SBF2: variants seen among roughly 807,000 people sequenced by gnomAD.
SBF2 encodes myotubularin-related protein 13.
In SBF2, 112 loss-of-function variants were observed where a neutral mutation model predicts 225.2. The observed-to-expected ratio is 0.50, with a 90% CI of 0.43 to 0.58. The LOEUF is 0.58. Ranked by LOEUF, SBF2 falls within the 20% of genes least tolerant of loss-of-function variation. The pLI is 0.00. For synonymous variants in SBF2, 763 were observed against 773.3 expected, an observed-to-expected ratio of 0.99 and a Z score of 0.22; for missense variants, 1,996 against 2,206.2, an observed-to-expected ratio of 0.90 and a Z score of 1.91.
chr11:10,079,478 G>A (rs1951271211), intron 2 of SBF2, among the ~76,000 whole-genome samples: 1 of 152,134 alleles, frequency 6.6e-6, no homozygotes, highest in South Asian at 2.1e-4. Flanking sequence ...CAACAGACTA[G>A]ACCAAATGGA....
chr11:10,055,033 C>A (rs1950202436), intron 2 of SBF2, among the ~76,000 whole-genome samples: 1 of 152,074 alleles, frequency 6.6e-6, no homozygotes, highest in Non-Finnish European at 1.5e-5. Flanking sequence ...CCTCAGTCTC[C>A]TGGAACTATA....
intron 2 of SBF2, among the ~76,000 whole-genome samples, chr11:10,057,886 T>C (rs1408140714): frequency 6.6e-6 from 1 of 152,006 alleles, no homozygotes; most frequent in Non-Finnish European, 1.5e-5. Context: ...CCCCAAAGCC[T>C]TAACACCAAA....
chr11:9,987,553 T>C (rs1000605207), intron 13 of SBF2, among the ~76,000 whole-genome samples: 4 of 152,100 alleles, frequency 2.6e-5, no homozygotes, highest in Non-Finnish European at 4.4e-5. Flanking sequence ...CTAGAACTGA[T>C]AAAAGAATTC....
chr11:10,114,609 A>G (rs1350106926), intron 2 of SBF2, among the ~76,000 whole-genome samples: 1 of 152,232 alleles, frequency 6.6e-6, no homozygotes, highest in Non-Finnish European at 1.5e-5. Flanking sequence ...AGTTTGCTGA[A>G]TGAAAACCGA....
intron 16 of SBF2, among the ~76,000 whole-genome samples, chr11:9,947,993 T>C (rs760744097): frequency 5.3e-5 from 8 of 152,186 alleles, no homozygotes; most frequent in Non-Finnish European, 7.3e-5. Context: ...CTCATGTTCA[T>C]AGCAGCATTA....
intron 2 of SBF2, among the ~76,000 whole-genome samples, chr11:10,078,660 A>T (rs978456294): frequency 6.6e-6 from 1 of 152,204 alleles, no homozygotes; most frequent in Non-Finnish European, 1.5e-5. Context: ...GGATAGCATT[A>T]GGAGAAATAC....
At chr11:10,043,519 A>C (rs1163103913) in intron 2 of SBF2, among the ~76,000 whole-genome samples, 1 of 152,226 alleles carries the variant, frequency 6.6e-6, no homozygotes, top group Non-Finnish European at 1.5e-5. Flanking sequence ...GAATTAAACT[A>C]GAAATCAATA....
intron 13 of SBF2, among the ~76,000 whole-genome samples, chr11:9,974,985 A>AAAAAAAAAAAAG (rs1565082847): frequency 1.3e-5 from 1 of 78,272 alleles, no homozygotes; most frequent in African/African-American, 3.8e-5. Context: ...AAAAAAAAAA[A>AAAAAAAAAAAAG]AAAGAAAAAA....
intron 1 of SBF2, among the ~76,000 whole-genome samples, chr11:10,217,635 C>A (rs558534127): frequency 6.6e-6 from 1 of 152,162 alleles, no homozygotes; most frequent in South Asian, 2.1e-4. Flanking sequence ...GATGAGATGC[C>A]TCTATCAGAG....
intron 27 of SBF2, among the ~76,000 whole-genome samples, chr11:9,830,505 T>C (rs112873603): frequency 0.016 from 2,408 of 152,226 alleles, 42 homozygotes; most frequent in African/African-American, 0.043. Context: ...TTAGGAAGGC[T>C]GAGGCAGGCA....
At chr11:10,270,486 A>T (rs1962383217) in intron 1 of SBF2, among the ~76,000 whole-genome samples, 1 of 152,154 alleles carries the variant, frequency 6.6e-6, no homozygotes, top group Non-Finnish European at 1.5e-5. Context: ...CCTCATGTTG[A>T]GTAGGCTGAG....
chr11:9,922,656 T>C (rs376212118), intron 16 of SBF2, among the ~76,000 whole-genome samples: 2 of 152,334 alleles, frequency 1.3e-5, no homozygotes, highest in South Asian at 4.1e-4. Context: ...CCATCTGTAG[T>C]GTACTGAAAA....
intron 1 of SBF2, among the ~76,000 whole-genome samples, chr11:10,279,808 C>T (rs568284391): frequency 2.6e-5 from 4 of 152,302 alleles, no homozygotes; most frequent in East Asian, 3.9e-4. Context: ...CACCACCACG[C>T]CTGGCTAATT....
rs1321174630 is a variant in SBF2 at position 10,230,019 on chromosome 11, T to G, written c.56-36032A>C. On this transcript the variant is annotated intron_variant, in intron 1 of 39. Transcript: ENST00000256190. ...CTCCTGTATTGGGTGCATATATATTTAGGATAGTTAGCTCTTCTTGTTGAA... is the reference window on the plus strand; with the variant it reads ...CTCCTGTATTGGGTGCATATATATTGAGGATAGTTAGCTCTTCTTGTTGAA... Among the ~76,000 whole-genome samples, 6 of 152,154 alleles carry G rather than the reference T, an allele frequency of 3.9e-5. No homozygotes were observed. In the South Asian group the frequency reaches 6.2e-4, roughly 16 times the overall value.
intron 12 of SBF2, 52 bp from the exon 13 acceptor site, chr11:9,989,647 C>G (rs1947342614): frequency 2.8e-6 from 3 of 1,054,980 alleles, no homozygotes; most frequent in Non-Finnish European, 4.4e-6. Context: ...ATGCCAAATT[C>G]AAAAACTGTG....
At chr11:9,972,228 G>A (rs1197569552) in intron 13 of SBF2, among the ~76,000 whole-genome samples, 2 of 151,916 alleles carry the variant, frequency 1.3e-5, no homozygotes, top group South Asian at 2.1e-4. Context: ...AGTATTGAAC[G>A]AGCTGTTACA....
At chr11:10,151,097 T>A (rs546769870) in intron 2 of SBF2, among the ~76,000 whole-genome samples, 1 of 152,250 alleles carries the variant, frequency 6.6e-6, no homozygotes, top group South Asian at 2.1e-4. Context: ...CATGTCTATA[T>A]GTTATCAAAT....
At chr11:9,999,321 G>A (rs905242304) in intron 8 of SBF2, among the ~76,000 whole-genome samples, 4 of 143,826 alleles carry the variant, frequency 2.8e-5, no homozygotes, top group African/African-American at 1.0e-4. Context: ...ATGTATGTAT[G>A]TATGTATGTA....
At chr11:10,076,133 C>T (rs978275091) in intron 2 of SBF2, among the ~76,000 whole-genome samples, 1 of 152,080 alleles carries the variant, frequency 6.6e-6, no homozygotes, top group Non-Finnish European at 1.5e-5. Flanking sequence ...CAGTGTATGA[C>T]GGGGGAGAGA....
Sources: gnomAD v4.1 joint callset for allele counts (sites outside exome capture counted in the v4.1 genomes callset) on GRCh38, gnomAD v4.1.1 for gene constraint, MANE v1.5 for transcripts, NCBI Gene and HGNC (gene_info 2026-07-23, HGNC 2026-07-21) for gene names.